KIAA1217: variants seen among roughly 807,000 people sequenced by gnomAD.
The protein encoded by KIAA1217 is KIAA1217, also known as sickle tail protein homolog.
In KIAA1217, 88 loss-of-function variants were observed where a neutral mutation model predicts 163.9. The observed-to-expected ratio is 0.54, with a 90% CI of 0.45 to 0.64. The LOEUF is 0.64. Among genes scored for constraint, KIAA1217 ranks in the 30% least tolerant of loss-of-function variants. The pLI is 0.00. For missense variants in KIAA1217, 2,372 were observed against 2,475.0 expected, an observed-to-expected ratio of 0.96 and a Z score of 0.88; for synonymous variants, 903 against 923.1, an observed-to-expected ratio of 0.98 and a Z score of 0.39.
intron 2 of KIAA1217, among the ~76,000 whole-genome samples, chr10:24,095,953 T>G (rs2062143652): frequency 6.6e-6 from 1 of 151,940 alleles, no homozygotes; most frequent in South Asian, 2.1e-4. Flanking sequence ...AAACAAAAAG[T>G]TTTCATTAGC....
chr10:24,004,379 G>A (rs967352767), intron 1 of KIAA1217, among the ~76,000 whole-genome samples: 1 of 151,962 alleles, frequency 6.6e-6, no homozygotes, highest in African/African-American at 2.4e-5. Flanking sequence ...GATCACAAAT[G>A]TTCTTATTCA....
chr10:24,315,529 A>ACATAGCCCGC (rs1296680047), intron 2 of KIAA1217, among the ~76,000 whole-genome samples: 32 of 152,274 alleles, frequency 2.1e-4, no homozygotes, highest in African/African-American at 7.7e-4. Context: ...TTACTTCTTG[A>ACATAGCCCGC]CATAGCCCAT....
intron 1 of KIAA1217, among the ~76,000 whole-genome samples, chr10:23,804,999 A>G (rs1836667015): frequency 6.6e-6 from 1 of 152,212 alleles, no homozygotes; most frequent in African/African-American, 2.4e-5. Flanking sequence ...AAGTAAAAGA[A>G]TAACAGATGC....
intron 5 of KIAA1217, among the ~76,000 whole-genome samples, chr10:24,446,472 C>A (rs957191640): frequency 6.6e-6 from 1 of 152,068 alleles, no homozygotes; most frequent in African/African-American, 2.4e-5. Context: ...GGCCACTGAA[C>A]TCAGAGCACT....
intron 2 of KIAA1217, among the ~76,000 whole-genome samples, chr10:24,347,544 T>C (rs2047940405): frequency 6.6e-6 from 1 of 152,212 alleles, no homozygotes. Flanking sequence ...TTGTTGGGAT[T>C]ATACCCATGG....
rs945801001 is a variant in KIAA1217 at position 24,471,463 on chromosome 10, C to T, written c.847-1765C>T. On this transcript the variant is annotated intron_variant, in intron 5 of 20. Transcript: ENST00000376454. ...GCAAAAATATATGAAATCATCATAT[C>T]CTGAGTTATTTTTTTTTTTATTCTA... Among the ~76,000 whole-genome samples the T allele has an allele frequency of 4.7e-5, 7 of 149,464 alleles. No homozygotes were observed. In the South Asian group the frequency reaches 1.5e-3, roughly 31 times the overall value.
intron 1 of KIAA1217, among the ~76,000 whole-genome samples, chr10:23,780,488 A>G (rs1347759338): frequency 6.6e-6 from 1 of 152,114 alleles, no homozygotes; most frequent in Non-Finnish European, 1.5e-5. Context: ...TATAAGTGAG[A>G]TCACTTCTCC....
At chr10:24,408,840 A>G (rs1387320056) in intron 3 of KIAA1217, among the ~76,000 whole-genome samples, 2 of 152,132 alleles carry the variant, frequency 1.3e-5, no homozygotes, top group African/African-American at 4.8e-5. Context: ...TTATTTCCCT[A>G]TAGAGGACTA....
rs74121634 is a variant in KIAA1217, at chr10:24,261,207, G to A, written c.354+41298G>A. 5.0e-3 allele frequency among the ~76,000 whole-genome samples: 767 copies of A among 152,084 alleles called. 5 individuals carry two copies. Among genetic ancestry groups the A allele is most frequent in the African/African-American group, 0.017 (724 of 41,432 alleles). ...CTACCTTCCACATTGTCTTATAGGA[G>A]TGCATTTAGGCCAGGTGTGGTGGCT... is the stretch of plus-strand genomic sequence containing the variant. On this transcript the variant is annotated intron_variant, in intron 2 of 20. Coordinates refer to ENST00000376454, the MANE Select transcript of KIAA1217 (RefSeq NM_019590.5).
intron 1 of KIAA1217, among the ~76,000 whole-genome samples, chr10:23,790,518 T>TATATACATATATAC (rs1363253823): frequency 9.0e-6 from 1 of 110,806 alleles, no homozygotes; most frequent in Non-Finnish European, 1.7e-5. Flanking sequence ...TACATATGTA[T>TATATACATATATAC]ATATACATAT....
chr10:24,388,040 A>G (rs1591521412), intron 3 of KIAA1217, among the ~76,000 whole-genome samples: 1 of 152,348 alleles, frequency 6.6e-6, no homozygotes, highest in East Asian at 1.9e-4. Flanking sequence ...TCTTCACAGA[A>G]TTGGAAAAGA....
intron 1 of KIAA1217, among the ~76,000 whole-genome samples, chr10:23,953,544 C>G (rs1844432371): frequency 2.0e-5 from 3 of 152,152 alleles, no homozygotes; most frequent in African/African-American, 7.2e-5. Context: ...TGTAGTCTTC[C>G]CCTGTTGCCA....
At chr10:24,450,216 A>G (rs2132262699) in intron 5 of KIAA1217, among the ~76,000 whole-genome samples, 1 of 152,358 alleles carries the variant, frequency 6.6e-6, no homozygotes, top group East Asian at 1.9e-4. Context: ...GTGTCCTTTA[A>G]CATTCCAGGG....
chr10:23,729,004 G>A (rs1266887263), intron 1 of KIAA1217, among the ~76,000 whole-genome samples: 1 of 152,144 alleles, frequency 6.6e-6, no homozygotes, highest in East Asian at 1.9e-4. Context: ...TGTCTCCATA[G>A]TTTTGCCTTT....
At chr10:24,532,576 T>C (rs1221125997) in intron 15 of KIAA1217, among the ~76,000 whole-genome samples, 2 of 152,266 alleles carry the variant, frequency 1.3e-5, no homozygotes, top group Middle Eastern at 3.4e-3. Context: ...CTCACAATTA[T>C]GGCAGAAGAT....
chr10:24,198,900 T>G (rs1451569030), intron 2 of KIAA1217, among the ~76,000 whole-genome samples: 1 of 152,152 alleles, frequency 6.6e-6, no homozygotes, highest in African/African-American at 2.4e-5. Context: ...TCCGAACTAC[T>G]AGGCCTTAGG....
intron 10 of KIAA1217, among the ~76,000 whole-genome samples, chr10:24,514,706 C>G (rs1281629041): frequency 6.6e-6 from 1 of 152,118 alleles, no homozygotes; most frequent in Non-Finnish European, 1.5e-5. Context: ...AATGCATATC[C>G]TGGCTGGGCA....
At chr10:24,474,338 G>T (rs560273334) in intron 6 of KIAA1217, among the ~76,000 whole-genome samples, 1 of 152,328 alleles carries the variant, frequency 6.6e-6, no homozygotes, top group East Asian at 1.9e-4. Context: ...GGATCTAAGA[G>T]CATTATCATT....
chr10:23,948,199 T>C (rs1441976031), intron 1 of KIAA1217, among the ~76,000 whole-genome samples: 1 of 152,174 alleles, frequency 6.6e-6, no homozygotes, highest in Non-Finnish European at 1.5e-5. Context: ...TGTGTGACCA[T>C]AGGCAGAATA....
Sources: allele counts gnomAD v4.1 joint callset (sites outside exome capture counted in the v4.1 genomes callset), GRCh38; gene constraint gnomAD v4.1.1; transcripts MANE v1.5; gene names NCBI Gene and HGNC (gene_info 2026-07-23, HGNC 2026-07-21).